The following CDKAL1 variants were observed in gnomAD, a reference collection of about 807,000 sequenced individuals.
CDKAL1 encodes the protein CDKAL1 threonylcarbamoyladenosine tRNA methylthiotransferase, also known as threonylcarbamoyladenosine tRNA methylthiotransferase.
A neutral mutation model predicts 68.2 loss-of-function variants in CDKAL1; 32 were observed. The ratio of observed to expected loss-of-function variants is 0.47; its 90% CI spans 0.35 to 0.63. CDKAL1 has a LOEUF of 0.63. CDKAL1 is among the 30% of genes least tolerant of loss of function. The pLI is 0.00. For synonymous variants in CDKAL1, 234 were observed against 244.3 expected (o/e 0.96, Z 0.39); for missense variants, 606 against 696.7 (o/e 0.87, Z 1.47).
chr6:21,174,765 A>G (rs1417062372), intron 13 of CDKAL1, among the ~76,000 whole-genome samples: 3 of 152,160 alleles, frequency 2.0e-5, no homozygotes. Context: ...AATCAAAAGT[A>G]TAACTATTCT....
At chr6:20,546,841 A>G (rs1246546836) in intron 3 of CDKAL1, among the ~76,000 whole-genome samples, 4 of 152,212 alleles carry the variant, frequency 2.6e-5, no homozygotes, top group African/African-American at 9.6e-5. Context: ...GGCCTGAGCC[A>G]CTGAGCACGG....
At chr6:21,016,398 G>A (rs1413693970) in intron 11 of CDKAL1, among the ~76,000 whole-genome samples, 1 of 151,946 alleles carries the variant, frequency 6.6e-6, no homozygotes, top group Admixed American at 6.6e-5. Flanking sequence ...ACCACTTGCT[G>A]TCTCCACCTT....
chr6:20,600,771 C>CATATATATAT (rs10522824), intron 4 of CDKAL1, among the ~76,000 whole-genome samples: 200 of 124,004 alleles, frequency 1.6e-3, no homozygotes, highest in Middle Eastern at 4.3e-3. Context: ...TATATGTATA[C>CATATATATAT]ATATATATAT....
intron 9 of CDKAL1, among the ~76,000 whole-genome samples, chr6:20,920,205 TCTGA>T (rs1252586648): frequency 1.3e-5 from 2 of 152,166 alleles, no homozygotes; most frequent in East Asian, 3.8e-4. Context: ...TCTCTTTTGG[TCTGA>T]CTGTGTTTTG....
intron 8 of CDKAL1, among the ~76,000 whole-genome samples, chr6:20,845,139 T>C (rs1778330036): frequency 2.0e-5 from 3 of 152,194 alleles, no homozygotes; most frequent in Admixed American, 1.3e-4. Flanking sequence ...TCAGATTCAA[T>C]TGTTAAAAGT....
At chr6:21,110,255 C>T (rs1439950968) in intron 13 of CDKAL1, among the ~76,000 whole-genome samples, 1 of 152,128 alleles carries the variant, frequency 6.6e-6, no homozygotes, top group Non-Finnish European at 1.5e-5. Context: ...CCAGGCAGCT[C>T]CCGGCCTCCT....
chr6:20,679,455 AT>A (rs1770274295), intron 5 of CDKAL1, among the ~76,000 whole-genome samples: 1 of 152,186 alleles, frequency 6.6e-6, no homozygotes, highest in African/African-American at 2.4e-5. Context: ...GACAATTAAT[AT>A]TCCCCCCTGT....
chr6:20,713,819 C>G (rs1436754740), intron 5 of CDKAL1, among the ~76,000 whole-genome samples: 1 of 151,892 alleles, frequency 6.6e-6, no homozygotes, highest in Non-Finnish European at 1.5e-5. Context: ...CACAAGTTAC[C>G]ACAAGATAAA....
At chr6:20,953,288 A>G (rs1362051177) in intron 9 of CDKAL1, among the ~76,000 whole-genome samples, 4 of 152,176 alleles carry the variant, frequency 2.6e-5, no homozygotes, top group African/African-American at 7.2e-5. Context: ...TGTTATTTCC[A>G]TTCCTATTCA....
intron 13 of CDKAL1, among the ~76,000 whole-genome samples, chr6:21,128,811 C>A (rs1362818489): frequency 6.6e-6 from 1 of 152,182 alleles, no homozygotes; most frequent in African/African-American, 2.4e-5. Context: ...TTGCTTAGGG[C>A]AAATCTCTAA....
intron 8 of CDKAL1, among the ~76,000 whole-genome samples, chr6:20,792,520 A>G (rs923587050): frequency 3.9e-5 from 6 of 152,150 alleles, no homozygotes; most frequent in Non-Finnish European, 7.4e-5. Flanking sequence ...CTTGCGGAAA[A>G]CATAAACTTT....
At chr6:20,549,398 T>C (rs1384822944) in intron 4 of CDKAL1, among the ~76,000 whole-genome samples, 3 of 152,124 alleles carry the variant, frequency 2.0e-5, no homozygotes, top group African/African-American at 7.2e-5. Flanking sequence ...CACTAACCCA[T>C]GTCTGCTAGG....
chr6:20,827,700 C>T (rs1393904076), intron 8 of CDKAL1, among the ~76,000 whole-genome samples: 2 of 152,038 alleles, frequency 1.3e-5, no homozygotes, highest in African/African-American at 4.8e-5. Flanking sequence ...TTAACATTTG[C>T]AAAGTTCCAA....
intron 11 of CDKAL1, among the ~76,000 whole-genome samples, chr6:21,040,536 CTT>C (rs1769861760): frequency 1.3e-5 from 2 of 152,052 alleles, no homozygotes; most frequent in Admixed American, 1.3e-4. Flanking sequence ...ACAATTAATA[CTT>C]AAGTTGTGTA....
chr6:20,753,544 C>T (rs1164823907), intron 6 of CDKAL1, among the ~76,000 whole-genome samples: 4 of 152,176 alleles, frequency 2.6e-5, no homozygotes, highest in Admixed American at 2.0e-4. Context: ...GAGTAGTAGG[C>T]TGTACCATCT....
intron 9 of CDKAL1, among the ~76,000 whole-genome samples, chr6:20,951,991 C>T (rs1240272842): frequency 5.5e-5 from 7 of 127,574 alleles, no homozygotes; most frequent in African/African-American, 2.0e-4. Flanking sequence ...CGGAGTCTTG[C>T]TCTGTCGCCC....
intron 15 of CDKAL1, among the ~76,000 whole-genome samples, chr6:21,229,688 C>G (rs1779882776): frequency 6.6e-6 from 1 of 152,242 alleles, no homozygotes; most frequent in Admixed American, 6.5e-5. Context: ...TCTAGCATTT[C>G]TCATCTGCTC....
intron 5 of CDKAL1, among the ~76,000 whole-genome samples, chr6:20,674,363 A>G (rs1396978757): frequency 1.3e-5 from 2 of 152,232 alleles, no homozygotes; most frequent in Non-Finnish European, 2.9e-5. Context: ...CCCATTAAGT[A>G]AGATACTGGC....
At chr6:20,867,267 T>C (rs1295566613) in intron 9 of CDKAL1, among the ~76,000 whole-genome samples, 1 of 152,172 alleles carries the variant, frequency 6.6e-6, no homozygotes, top group Non-Finnish European at 1.5e-5. Flanking sequence ...TGGAAGATTG[T>C]CACCGAAAGG....
Sources: gnomAD v4.1 joint callset for allele counts (sites outside exome capture counted in the v4.1 genomes callset) on GRCh38, gnomAD v4.1.1 for gene constraint, MANE v1.5 for transcripts, NCBI Gene and HGNC (gene_info 2026-07-23, HGNC 2026-07-21) for gene names.